LINGO2: variants seen among roughly 807,000 people sequenced by gnomAD.
The protein encoded by LINGO2 is leucine rich repeat and Ig domain containing 2.
A neutral mutation model predicts 30.6 loss-of-function variants in LINGO2; 14 were observed. The observed-to-expected ratio is 0.46, with a 90% confidence interval of 0.30 to 0.72. The LOEUF (loss-of-function observed/expected upper bound fraction) is 0.72. Among genes scored for constraint, LINGO2 ranks in the 30% least tolerant of loss-of-function variants. The pLI, the probability that LINGO2 is intolerant of heterozygous loss-of-function variation, is 0.07. For missense variants in LINGO2, 729 were observed against 751.7 expected (o/e 0.97, Z 0.35); for synonymous variants, 317 against 288.5 (o/e 1.10, Z -1.00).
chr9:28,992,641 G>C, the LINGO2 span, among the ~76,000 whole-genome samples: 3 of 151,918 alleles, frequency 2.0e-5, no homozygotes, highest in Non-Finnish European at 2.9e-5. Flanking sequence ...AAATGTAAAA[G>C]AACAGAAATT....
At chr9:28,510,465 A>G (rs1201076373) in intron 1 of LINGO2, among the ~76,000 whole-genome samples, 1 of 152,178 alleles carries the variant, frequency 6.6e-6, no homozygotes, top group Non-Finnish European at 1.5e-5. Context: ...ATGATGATAA[A>G]GGTCTTCATC....
intron 4 of LINGO2, among the ~76,000 whole-genome samples, chr9:28,284,117 T>G (rs1005702757): frequency 6.6e-6 from 1 of 152,126 alleles, no homozygotes; most frequent in Admixed American, 6.6e-5. Flanking sequence ...CAGTGCTACT[T>G]TCCCAACTGC....
intron 2 of LINGO2, among the ~76,000 whole-genome samples, chr9:28,426,602 T>C (rs1823423429): frequency 6.6e-6 from 1 of 152,032 alleles, no homozygotes; most frequent in Non-Finnish European, 1.5e-5. Flanking sequence ...TATGCAGGTA[T>C]ACTGTGCTGA....
the LINGO2 span, among the ~76,000 whole-genome samples, chr9:29,101,674 T>C: frequency 2.6e-5 from 4 of 152,212 alleles, no homozygotes; most frequent in Non-Finnish European, 5.9e-5. Context: ...TGTCTGTCTT[T>C]ATGTGCCTGA....
At chr9:28,618,867 G>T (rs1354217506) in intron 1 of LINGO2, among the ~76,000 whole-genome samples, 1 of 136,834 alleles carries the variant, frequency 7.3e-6, no homozygotes. Context: ...CTGAATGAAT[G>T]AATGAACTTA....
intron 1 of LINGO2, among the ~76,000 whole-genome samples, chr9:28,616,960 T>C (rs73443341): frequency 1.3e-5 from 2 of 152,172 alleles, no homozygotes; most frequent in Admixed American, 1.3e-4. Flanking sequence ...TTGTTTGTTT[T>C]TTTTCTTTCT....
the LINGO2 span, among the ~76,000 whole-genome samples, chr9:29,137,805 C>A: frequency 6.6e-6 from 1 of 151,946 alleles, no homozygotes; most frequent in African/African-American, 2.4e-5. Context: ...TGGCAGGCTC[C>A]CTTCCTGTGT....
At chr9:28,263,102 A>G (rs554762447) in intron 4 of LINGO2, among the ~76,000 whole-genome samples, 2 of 152,016 alleles carry the variant, frequency 1.3e-5, no homozygotes, top group South Asian at 4.1e-4. Flanking sequence ...CTTCCTGGTT[A>G]TTGGCAGAAT....
At chr9:28,586,496 T>A (rs1210472480) in intron 1 of LINGO2, among the ~76,000 whole-genome samples, 2 of 152,056 alleles carry the variant, frequency 1.3e-5, no homozygotes, top group Non-Finnish European at 2.9e-5. Flanking sequence ...ATCATAATAT[T>A]GAATAATGTT....
the LINGO2 span, among the ~76,000 whole-genome samples, chr9:29,147,387 C>T: frequency 0.041 from 6,248 of 152,094 alleles, 195 homozygotes; most frequent in Admixed American, 0.079. Context: ...CTTTAATTTA[C>T]GGTATATTTA....
chr9:28,080,686 A>G (rs1195591907), intron 4 of LINGO2: 1 of 152,224 alleles, frequency 6.6e-6, no homozygotes, highest in African/African-American at 2.4e-5. Context: ...GATTGCTACC[A>G]CTGCACCCTT....
At chr9:28,472,865 C>A (rs1193826352) in intron 2 of LINGO2, among the ~76,000 whole-genome samples, 1 of 152,108 alleles carries the variant, frequency 6.6e-6, no homozygotes, top group African/African-American at 2.4e-5. Flanking sequence ...TATCATTCTT[C>A]TGTAACATTT....
the LINGO2 span, among the ~76,000 whole-genome samples, chr9:29,115,260 G>T: frequency 6.6e-6 from 1 of 151,878 alleles, no homozygotes. Context: ...TGAGTTCAGA[G>T]CAAGTTAGAT....
chr9:28,573,762 G>A (rs1208311240), intron 1 of LINGO2, among the ~76,000 whole-genome samples: 1 of 151,732 alleles, frequency 6.6e-6, no homozygotes, highest in Non-Finnish European at 1.5e-5. Flanking sequence ...CTTATATTTG[G>A]GAAGTCAGAA....
chr9:28,882,547 T>A, the LINGO2 span, among the ~76,000 whole-genome samples: 1 of 152,182 alleles, frequency 6.6e-6, no homozygotes, highest in Non-Finnish European at 1.5e-5. Context: ...TAGAACCAAG[T>A]TAGCAAATAT....
At chr9:29,045,359 A>G in the LINGO2 span, among the ~76,000 whole-genome samples, 3 of 152,170 alleles carry the variant, frequency 2.0e-5, no homozygotes, top group Non-Finnish European at 2.9e-5. Context: ...ACAATGAAGT[A>G]CTATGGAGCT....
intron 4 of LINGO2, among the ~76,000 whole-genome samples, chr9:28,166,813 G>C (rs1030716271): frequency 6.6e-6 from 1 of 151,688 alleles, no homozygotes; most frequent in African/African-American, 2.4e-5. Flanking sequence ...AAAAATCAGA[G>C]TGAATTTATG....
At chr9:28,299,090 T>C (rs1005054251) in intron 3 of LINGO2, among the ~76,000 whole-genome samples, 7 of 152,184 alleles carry the variant, frequency 4.6e-5, no homozygotes, top group Admixed American at 4.6e-4. Context: ...TGATTTGCAC[T>C]TGTTGACAAG....
At chr9:28,474,155 T>A (rs1825635936) in intron 2 of LINGO2, among the ~76,000 whole-genome samples, 1 of 152,208 alleles carries the variant, frequency 6.6e-6, no homozygotes, top group Non-Finnish European at 1.5e-5. Flanking sequence ...GCTGACTCAA[T>A]GTGCATTTTA....
Sources: allele counts gnomAD v4.1 joint callset (sites outside exome capture counted in the v4.1 genomes callset), GRCh38; gene constraint gnomAD v4.1.1; transcripts MANE v1.5; gene names NCBI Gene and HGNC (gene_info 2026-07-23, HGNC 2026-07-21).